Variants in ATP11C observed in about 807,000 individuals in gnomAD.
ATP11C encodes the protein phospholipid-transporting ATPase IG.
Under a neutral mutation model 97.4 loss-of-function variants are expected in ATP11C, and 36 were observed. The ratio of observed to expected loss-of-function variants is 0.37; its 90% CI spans 0.28 to 0.49. The LOEUF (loss-of-function observed/expected upper bound fraction) is 0.49, where lower values mean the gene tolerates loss of function less well. Ranked by LOEUF, ATP11C falls within the 20% of genes least tolerant of loss-of-function variation. ATP11C has a pLI of 0.98. For missense variants in ATP11C, 730 were observed against 824.6 expected (o/e 0.89, Z 1.40); for synonymous variants, 275 against 290.9 (o/e 0.95, Z 0.56).
chrX:139,835,847 C>G (rs1264725989), intron 1 of ATP11C, among the ~76,000 whole-genome samples: 1 of 104,555 alleles, frequency 9.6e-6, no homozygotes, highest in Non-Finnish European at 2.0e-5. Context: ...GCCAACATGG[C>G]AAAACTCCGT....
intron 1 of ATP11C, among the ~76,000 whole-genome samples, chrX:139,840,310 A>G (rs767793925): frequency 8.9e-6 from 1 of 112,576 alleles, no homozygotes; most frequent in African/African-American, 3.2e-5. Flanking sequence ...AACTTTGTAT[A>G]GTCTACTACG....
intron 1 of ATP11C, among the ~76,000 whole-genome samples, chrX:139,891,417 T>C (rs17282067): frequency 0.05 from 5,618 of 111,489 alleles, 240 homozygotes; most frequent in East Asian, 0.3. Context: ...AAAGAGAAAG[T>C]TGGTGTTAAC....
chrX:139,878,609 T>C (rs946320349), intron 1 of ATP11C, among the ~76,000 whole-genome samples: 3 of 111,117 alleles, frequency 2.7e-5, no homozygotes, highest in African/African-American at 9.8e-5. Flanking sequence ...ATGCTAACAA[T>C]AGAAGCAAGT....
intron 25 of ATP11C, among the ~76,000 whole-genome samples, 156 bp from the exon 26 acceptor site, chrX:139,743,780 C>T (rs920086924): frequency 5.4e-5 from 6 of 111,392 alleles, no homozygotes; most frequent in African/African-American, 9.8e-5. Context: ...AAGATCAGGC[C>T]ACAATGCCAG....
At chrX:139,829,698 C>T (rs59619764) in intron 1 of ATP11C, among the ~76,000 whole-genome samples, 6,116 of 110,941 alleles carry the variant, frequency 0.055, 406 homozygotes, top group African/African-American at 0.19. Flanking sequence ...TTTAATGACA[C>T]ATCACACTAC....
chrX:139,880,260 A>G (rs941150847), intron 1 of ATP11C, among the ~76,000 whole-genome samples: 6 of 111,301 alleles, frequency 5.4e-5, no homozygotes, highest in African/African-American at 1.6e-4. Context: ...GGCTGCCACA[A>G]AGTTCCAGAG....
rs182673942 is a variant in ATP11C, at chrX:139,828,834, G to C, written c.28-2011C>G. ...AGCAACCACTGATTAACTTAAAACA[G>C]AAATGGACTAGTGCTTTCCCAATTC... On this transcript the variant is annotated intron_variant, in intron 1 of 29. Coordinates refer to ENST00000682941, the MANE Select transcript of ATP11C (RefSeq NM_001353812.2). 5.4e-5 allele frequency among the ~76,000 whole-genome samples: 6 copies of C among 112,098 alleles called. No individual in the cohort carries two copies. The East Asian group carries it at 1.7e-3, about 31-fold the overall frequency.
chrX:139,755,840 G>T (rs1335611691), intron 23 of ATP11C, among the ~76,000 whole-genome samples: 1 of 112,198 alleles, frequency 8.9e-6, no homozygotes, highest in African/African-American at 3.2e-5. Context: ...ATGGATTAAA[G>T]ACTTAAATGT....
intron 1 of ATP11C, among the ~76,000 whole-genome samples, chrX:139,913,178 AAG>A (rs771306690): frequency 8.9e-6 from 1 of 112,148 alleles, no homozygotes; most frequent in South Asian, 3.7e-4. Context: ...AGAGATGAGT[AAG>A]AGTGCTTTTG....
chrX:139,894,131 T>G (rs1163962080), intron 1 of ATP11C, among the ~76,000 whole-genome samples: 1 of 111,976 alleles, frequency 8.9e-6, no homozygotes, highest in African/African-American at 3.2e-5. Flanking sequence ...TCCTAGAGGC[T>G]CATCTGCTGC....
At chrX:139,922,930 G>C (rs2085290385) in intron 1 of ATP11C, among the ~76,000 whole-genome samples, 1 of 111,002 alleles carries the variant, frequency 9.0e-6, no homozygotes, top group African/African-American at 3.3e-5. Context: ...TGGGATTACA[G>C]GTGCTCTCCA....
intron 12 of ATP11C, among the ~76,000 whole-genome samples, chrX:139,793,094 C>A (rs1385758911): frequency 2.7e-5 from 3 of 111,289 alleles, no homozygotes; most frequent in Admixed American, 9.5e-5. Flanking sequence ...TAGAGGACAC[C>A]CAGTTGGTGT....
intron 23 of ATP11C, among the ~76,000 whole-genome samples, chrX:139,753,490 A>C (rs940789305): frequency 4.5e-5 from 5 of 111,942 alleles, no homozygotes; most frequent in Non-Finnish European, 9.4e-5. Context: ...AGGGAAATTT[A>C]TAGCACTAAA....
At chrX:139,927,528 C>A (rs931110150) in intron 1 of ATP11C, among the ~76,000 whole-genome samples, 4 of 110,947 alleles carry the variant, frequency 3.6e-5, no homozygotes, top group Non-Finnish European at 7.5e-5. Flanking sequence ...CGCTTGAACT[C>A]GTGAGGCGGA....
chrX:139,860,219 T>C (rs900527096), intron 1 of ATP11C, among the ~76,000 whole-genome samples: 3 of 110,915 alleles, frequency 2.7e-5, no homozygotes, highest in African/African-American at 9.8e-5. Context: ...TTAGAAAAGA[T>C]ATTTCTATGT....
chrX:139,735,887 G>A (rs1308250784), intron 28 of ATP11C, among the ~76,000 whole-genome samples: 18 of 111,742 alleles, frequency 1.6e-4, no homozygotes, highest in African/African-American at 4.9e-4. Flanking sequence ...TGGATGTAAA[G>A]AGAGATGTTC....
intron 1 of ATP11C, among the ~76,000 whole-genome samples, chrX:139,848,182 C>T (rs972665075): frequency 9.0e-6 from 1 of 111,685 alleles, no homozygotes; most frequent in African/African-American, 3.3e-5. Flanking sequence ...TCACTTATTG[C>T]CCATTGGCTG....
At chrX:139,736,927 A>G (rs2081456622) in intron 28 of ATP11C, among the ~76,000 whole-genome samples, 1 of 111,589 alleles carries the variant, frequency 9.0e-6, no homozygotes. Flanking sequence ...TCAGATCCCC[A>G]TGTCTATGTA....
At position 139,741,108 on chromosome X, in the gene ATP11C, A is replaced by T. The variant is rs1299192694; in HGVS notation, c.3031-14T>A. The T allele has an allele frequency of 6.4e-6, 7 of 1,096,655 alleles. No homozygotes were observed. In the South Asian group the frequency reaches 1.3e-4, roughly 20 times the overall value. 90.4% of individuals were successfully genotyped at this position (1,096,655 alleles called of 1,213,427 possible). A position where few individuals can be genotyped will look rare whatever the true frequency, so the allele number is the denominator to read the frequency against. ...ATCCAAGGCAAGCTGAAAAGATACA[A>T]CACAAAAGATTTCACGACGGTTACG... is the stretch of plus-strand genomic sequence containing the variant. On this transcript the variant is annotated splice_polypyrimidine_tract_variant and intron_variant, in intron 26 of 29. Transcript: ENST00000682941.
Sources: allele counts gnomAD v4.1 joint callset (sites outside exome capture counted in the v4.1 genomes callset), GRCh38; gene constraint gnomAD v4.1.1; transcripts MANE v1.5; gene names NCBI Gene and HGNC (gene_info 2026-07-23, HGNC 2026-07-21).